SLC39A14: variants seen among roughly 807,000 people sequenced by gnomAD.
SLC39A14 encodes the protein solute carrier family 39 member 14, also known as metal cation symporter ZIP14.
SLC39A14 carries 19 observed loss-of-function variants against 45.5 expected under a neutral mutation model. That is an observed-to-expected ratio of 0.42 (90% CI 0.29 to 0.61). The LOEUF (loss-of-function observed/expected upper bound fraction) is 0.61, where lower values mean the gene tolerates loss of function less well. Ranked by LOEUF, SLC39A14 falls within the 20% of genes least tolerant of loss-of-function variation. SLC39A14 has a pLI of 0.22. For missense variants in SLC39A14, 447 were observed against 616.5 expected (o/e 0.73, Z 2.91); for synonymous variants, 264 against 251.3 (o/e 1.05, Z -0.48).
intron 1 of SLC39A14, among the ~76,000 whole-genome samples, chr8:22,370,241 G>A (rs1832855844): frequency 6.6e-6 from 1 of 152,106 alleles, no homozygotes; most frequent in African/African-American, 2.4e-5. Flanking sequence ...TTTAAACCCT[G>A]CTTACCTTCT....
At position 22,411,963 on chromosome 8, in the gene SLC39A14, G is replaced by A. The variant is rs925436955; in HGVS notation, c.458-74G>A. 4 of 1,371,318 alleles carry A rather than the reference G, an allele frequency of 2.9e-6. No homozygotes were observed. The African/African-American group carries it at 5.8e-5, about 20-fold the overall frequency. 84.9% of individuals were successfully genotyped at this position (1,371,318 alleles called of 1,614,324 possible). A position where few individuals can be genotyped will look rare whatever the true frequency, so the allele number is the denominator to read the frequency against. On this transcript the variant is annotated intron_variant, in intron 3 of 8. Transcript: ENST00000381237. The stretch of plus-strand genomic sequence containing the variant: ...TGCTCCACCTTCCTCCCGCTAAATG[G>A]TGGTTGCTGTGCAATGGGGCATGTG...
chr8:22,368,368 TG>T (rs1832747303), intron 1 of SLC39A14, among the ~76,000 whole-genome samples: 1 of 152,148 alleles, frequency 6.6e-6, no homozygotes, highest in Non-Finnish European at 1.5e-5. Flanking sequence ...GAGTTAGCCC[TG>T]GCCTCTGTCC....
chr8:22,395,335 C>T (rs542177292), intron 1 of SLC39A14, among the ~76,000 whole-genome samples: 16 of 152,288 alleles, frequency 1.1e-4, no homozygotes, highest in African/African-American at 3.1e-4. Context: ...TCCGGGAATA[C>T]GAGTTATCCT....
In SLC39A14 at chr8:22,408,430, A is replaced by G. The variant is rs1295952422; in HGVS notation, c.391A>G (p.Thr131Ala). 7 of 1,614,168 alleles carry G rather than the reference A, an allele frequency of 4.3e-6. No homozygotes were observed. The highest frequency in any genetic ancestry group is 5.9e-6 in the Non-Finnish European group (7 of 1,180,042). The change falls in exon 3 of 9, where the codon ACC (threonine) becomes GCC (alanine). Residue 131 changes from threonine (T) to alanine (A), a missense_variant. Coordinates refer to ENST00000381237, the MANE Select transcript of SLC39A14 (RefSeq NM_001128431.4). ...ILQQLDSRAC[T>A]SENQENEENE... Reference sequence around the variant, plus strand: ...CCAGCAGCTGGATTCCCGGGCCTGCACCTCGGAGAACCAGGAAAACGAGGA... The same window carrying G: ...CCAGCAGCTGGATTCCCGGGCCTGCGCCTCGGAGAACCAGGAAAACGAGGA...
At chr8:22,398,252 G>A (rs1834625654) in intron 1 of SLC39A14, 1 of 152,114 alleles carries the variant, frequency 6.6e-6, no homozygotes, top group South Asian at 2.1e-4. Flanking sequence ...ATAAAACCCC[G>A]GTTTAGACTG....
chr8:22,373,073 C>A (rs1164297694), intron 1 of SLC39A14, among the ~76,000 whole-genome samples: 1 of 152,042 alleles, frequency 6.6e-6, no homozygotes, highest in Non-Finnish European at 1.5e-5. Context: ...ACCATCCTGG[C>A]CAACATGGTG....
At chr8:22,396,964 A>AT (rs936225186) in intron 1 of SLC39A14, among the ~76,000 whole-genome samples, 30 of 150,730 alleles carry the variant, frequency 2.0e-4, no homozygotes, top group African/African-American at 6.1e-4. Context: ...GCATTGGTTA[A>AT]TTTTTTTTTC....
intron 1 of SLC39A14, among the ~76,000 whole-genome samples, chr8:22,399,492 AGGCAGGGG>A (rs1417484452): frequency 6.6e-6 from 1 of 152,188 alleles, no homozygotes; most frequent in East Asian, 1.9e-4. Context: ...AGCGCTGGCC[AGGCAGGGG>A]GGCTGTGCTC....
rs1022294845 is a variant in SLC39A14, at chr8:22,415,973, G to A, written c.939+16G>A. ...CTCTGTGCAGGTCAGTGGGCCACCA[G>A]CTGCTTGGTGGAGCCTCTAAGAGGT... On this transcript the variant is annotated intron_variant, in intron 6 of 8. Transcript: ENST00000381237. The A allele has an allele frequency of 6.2e-7, 1 of 1,600,040 alleles. No individual in the cohort carries two copies. The highest frequency in any genetic ancestry group is 1.7e-5 in the Admixed American group (1 of 58,848).
intron 1 of SLC39A14, among the ~76,000 whole-genome samples, chr8:22,384,435 C>CT (rs1320974120): frequency 6.8e-6 from 1 of 147,238 alleles, no homozygotes; most frequent in Non-Finnish European, 1.5e-5. Flanking sequence ...CCCCACCTCA[C>CT]TTTATGTTTT....
chr8:22,397,374 C>A (rs186907255), intron 1 of SLC39A14, among the ~76,000 whole-genome samples: 33 of 152,150 alleles, frequency 2.2e-4, no homozygotes, highest in East Asian at 1.5e-3. Context: ...GTCAGGAGAT[C>A]GAGACCATCC....
chr8:22,408,526 T>A (rs768650948), intron 3 of SLC39A14, 30 bp downstream of exon 3: 2 of 1,594,876 alleles, frequency 1.3e-6, no homozygotes, highest in African/African-American at 1.3e-5. Flanking sequence ...CAGGAGCCCA[T>A]CTCCCATCTC....
chr8:22,409,343 T>G (rs1835425099), intron 3 of SLC39A14, among the ~76,000 whole-genome samples: 2 of 152,128 alleles, frequency 1.3e-5, no homozygotes, highest in Admixed American at 1.3e-4. Context: ...AGTCCCTGTT[T>G]TCTGCTGTCG....
At chr8:22,423,424 T>C (rs983161850), downstream of SLC39A14, among the ~76,000 whole-genome samples, 3 of 151,250 alleles carry the variant, frequency 2.0e-5, no homozygotes, top group Non-Finnish European at 4.4e-5. Context: ...CAAACTCCGC[T>C]TCCCGGGTTC....
intron 1 of SLC39A14, among the ~76,000 whole-genome samples, chr8:22,372,332 T>C (rs1832982176): frequency 2.0e-5 from 3 of 152,192 alleles, no homozygotes; most frequent in Non-Finnish European, 2.9e-5. Context: ...AAGGTAGCAT[T>C]TTAAACATCA....
chr8:22,402,606 C>G (rs1349758558), intron 1 of SLC39A14, among the ~76,000 whole-genome samples: 1 of 150,014 alleles, frequency 6.7e-6, no homozygotes, highest in East Asian at 2.0e-4. Flanking sequence ...CCTGTCTCTA[C>G]TAAAAATACA....
intron 1 of SLC39A14, among the ~76,000 whole-genome samples, chr8:22,401,367 T>G (rs1407173605): frequency 6.6e-6 from 1 of 152,074 alleles, no homozygotes; most frequent in African/African-American, 2.4e-5. Context: ...ATTGGCTGCT[T>G]CTTGGTCTGG....
At chr8:22,429,250 C>A (rs193249750) in intron 8 of SLC39A14, among the ~76,000 whole-genome samples, 1 of 151,988 alleles carries the variant, frequency 6.6e-6, no homozygotes, top group African/African-American at 2.4e-5. Context: ...CCAGCCTGGG[C>A]GACAGAGCCA....
At chr8:22,433,290 G>C (rs569044103) in intron 8 of SLC39A14, among the ~76,000 whole-genome samples, 1 of 152,134 alleles carries the variant, frequency 6.6e-6, no homozygotes, top group East Asian at 1.9e-4. Context: ...ACAGTGCCTG[G>C]CACACAGTCC....
Sources: allele counts gnomAD v4.1 joint callset (sites outside exome capture counted in the v4.1 genomes callset), GRCh38; gene constraint gnomAD v4.1.1; transcripts MANE v1.5; gene names NCBI Gene and HGNC (gene_info 2026-07-23, HGNC 2026-07-21).